The following MAP2K1 variants were observed in gnomAD, a reference collection of about 807,000 sequenced individuals.
MAP2K1 encodes dual specificity mitogen-activated protein kinase kinase 1.
In MAP2K1, 16 loss-of-function variants were observed where a neutral mutation model predicts 46.3. The ratio of observed to expected loss-of-function variants is 0.35; its 90% CI spans 0.23 to 0.52. MAP2K1 has a LOEUF of 0.52. MAP2K1 is among the 20% of genes least tolerant of loss of function. The pLI is 0.94. For synonymous variants in MAP2K1, 183 were observed against 185.6 expected, an observed-to-expected ratio of 0.99 and a Z score of 0.11; for missense variants, 263 against 497.1, an observed-to-expected ratio of 0.53 and a Z score of 4.48.
chr15:66,478,444 ATATATATATACAGG>A (rs1324435914), intron 5 of MAP2K1, among the ~76,000 whole-genome samples: 1 of 130,886 alleles, frequency 7.6e-6, no homozygotes, highest in African/African-American at 2.6e-5. Context: ...ACACACAGGT[ATATATATATACAGG>A]TATATATATA....
intron 5 of MAP2K1, among the ~76,000 whole-genome samples, chr15:66,472,162 G>C (rs999982865): frequency 1.3e-5 from 2 of 151,692 alleles, no homozygotes; most frequent in East Asian, 3.9e-4. Context: ...AAATTACCTG[G>C]ATGTGGTGGT....
chr15:66,435,477 C>T (rs1595861180), intron 2 of MAP2K1, among the ~76,000 whole-genome samples: 1 of 151,900 alleles, frequency 6.6e-6, no homozygotes, highest in South Asian at 2.1e-4. Context: ...AGGCATGCGC[C>T]ACCATGCATG....
intron 3 of MAP2K1, among the ~76,000 whole-genome samples, chr15:66,439,795 C>T (rs544826318): frequency 5.9e-5 from 9 of 151,832 alleles, no homozygotes; most frequent in Non-Finnish European, 8.8e-5. Flanking sequence ...AATTAGCTGG[C>T]GTGGAGGCAG....
At position 66,443,318 on chromosome 15, in the gene MAP2K1, A is replaced by C. The variant is rs772312180; in HGVS notation, c.477A>C (p.Gly159=). 1 of 1,613,264 alleles carries C rather than the reference A, an allele frequency of 6.2e-7. No homozygotes were observed. The highest frequency in any genetic ancestry group is 1.1e-5 in the South Asian group (1 of 91,066). ...TGGATCAAGTCCTGAAGAAAGCTGGAAGAATTCCTGAACAAATTTTAGGAA... is the reference window on the plus strand; with the variant it reads ...TGGATCAAGTCCTGAAGAAAGCTGGCAGAATTCCTGAACAAATTTTAGGAA... The part of the protein sequence containing the change: ...GSLDQVLKKA[G]RIPEQILGKV... Residue 159 remains glycine (G), a synonymous_variant, in exon 4 of 11, where the codon GGA becomes GGC. Transcript: ENST00000307102.
intron 1 of MAP2K1, among the ~76,000 whole-genome samples, chr15:66,428,311 T>C (rs1433391332): frequency 6.8e-6 from 1 of 147,802 alleles, no homozygotes; most frequent in Non-Finnish European, 1.5e-5. Context: ...TGTGTGTGTG[T>C]GTGTGTGTGT....
At chr15:66,470,441 C>G (rs1056384105) in intron 5 of MAP2K1, among the ~76,000 whole-genome samples, 3 of 152,194 alleles carry the variant, frequency 2.0e-5, no homozygotes, top group Non-Finnish European at 2.9e-5. Flanking sequence ...CCTGTCCTCC[C>G]TGTTGGAAGC....
Position 66,458,702 on chromosome 15 carries a change from C to T in MAP2K1, c.568+13995C>T, listed in dbSNP as rs116416177. On this transcript the variant is annotated intron_variant, in intron 5 of 10. Transcript: ENST00000307102. ...TGACTAATTTTAAAAATTTTCTTTT[C>T]TAGAGATGCGGTCTCTCTCTGTTGC... Among the ~76,000 whole-genome samples the T allele has an allele frequency of 4.5e-3, 679 of 152,240 alleles. 8 individuals carry two copies. The highest frequency in any genetic ancestry group is 0.016 in the African/African-American group (650 of 41,528).
chr15:66,402,285 CTT>C (rs990773211), intron 1 of MAP2K1, among the ~76,000 whole-genome samples: 3 of 152,212 alleles, frequency 2.0e-5, no homozygotes, highest in Admixed American at 2.0e-4. Context: ...GTGATTAACT[CTT>C]TTTCCCATGT....
chr15:66,452,873 ATGTT>A (rs1320936684), intron 5 of MAP2K1, among the ~76,000 whole-genome samples: 9 of 152,210 alleles, frequency 5.9e-5, no homozygotes, highest in Non-Finnish European at 1.2e-4. Context: ...TATAGTTCTT[ATGTT>A]TGTCTCTCAT....
chr15:66,460,767 A>AG (rs35778448), intron 5 of MAP2K1, among the ~76,000 whole-genome samples: 7 of 151,790 alleles, frequency 4.6e-5, no homozygotes, highest in South Asian at 2.1e-4. Context: ...GTGAGAGATA[A>AG]GGGGGGGTCT....
intron 2 of MAP2K1, among the ~76,000 whole-genome samples, chr15:66,436,198 G>T (rs867009659): frequency 2.0e-5 from 3 of 152,114 alleles, no homozygotes; most frequent in African/African-American, 7.2e-5. Flanking sequence ...TCTGACACTC[G>T]CTGTCTGTGG....
At position 66,443,112 on chromosome 15, in the gene MAP2K1, G is replaced by A. The variant is rs187650018; in HGVS notation, c.439-168G>A. On this transcript the variant is annotated intron_variant, in intron 3 of 10. Coordinates refer to ENST00000307102, the MANE Select transcript of MAP2K1 (RefSeq NM_002755.4). ...TTTTTTTTTTTTTTTTTTTGAGACA[G>A]AGTCTCGCTGTGTCGCCCAGGCTGA... is the stretch of plus-strand genomic sequence containing the variant. Among the ~76,000 whole-genome samples, 475 of 110,092 alleles carry A rather than the reference G, an allele frequency of 4.3e-3. 2 individuals carry two copies. Among genetic ancestry groups the A allele is most frequent in the African/African-American group, 0.015 (454 of 30,248 alleles). The allele number at this position is 110,092 out of a possible 152,430, so 72.2% of individuals were successfully genotyped here.
intron 1 of MAP2K1, among the ~76,000 whole-genome samples, chr15:66,388,573 G>A (rs1183471737): frequency 6.6e-6 from 1 of 152,080 alleles, no homozygotes; most frequent in African/African-American, 2.4e-5. Flanking sequence ...TTATACAGAT[G>A]GGGTCTTGCT....
At chr15:66,400,772 T>C (rs971784043) in intron 1 of MAP2K1, among the ~76,000 whole-genome samples, 1 of 152,182 alleles carries the variant, frequency 6.6e-6, no homozygotes, top group Non-Finnish European at 1.5e-5. Context: ...GTGCTGATCC[T>C]GACTCTGATT....
chr15:66,453,873 A>T (rs1458721204), intron 5 of MAP2K1, among the ~76,000 whole-genome samples: 1 of 152,124 alleles, frequency 6.6e-6, no homozygotes, highest in Non-Finnish European at 1.5e-5. Context: ...GTCATGGCTC[A>T]CTATAGCCTT....
At chr15:66,418,139 C>T (rs545251693) in intron 1 of MAP2K1, among the ~76,000 whole-genome samples, 4 of 152,124 alleles carry the variant, frequency 2.6e-5, no homozygotes, top group African/African-American at 4.8e-5. Flanking sequence ...TTAAATACCC[C>T]CTAGAGGATT....
intron 3 of MAP2K1, among the ~76,000 whole-genome samples, chr15:66,439,275 C>T (rs571427931): frequency 2.0e-5 from 3 of 152,358 alleles, no homozygotes; most frequent in African/African-American, 7.2e-5. Flanking sequence ...TTGGTCCTCT[C>T]TCTGTCACAG....
intron 5 of MAP2K1, among the ~76,000 whole-genome samples, chr15:66,460,121 C>T (rs1224994980): frequency 6.6e-6 from 1 of 152,226 alleles, no homozygotes; most frequent in African/African-American, 2.4e-5. Flanking sequence ...GTGTGGCTTA[C>T]ACAGGAAGGG....
In MAP2K1 at chr15:66,396,415, A is replaced by C. The variant is rs148862368; in HGVS notation, c.80+8988A>C. On this transcript the variant is annotated intron_variant, in intron 1 of 10. Transcript: ENST00000307102. ...CTCCCAAGTAGCTATGATAACAGGC[A>C]CACACCACCATGGCCGGCTAATTTT... is the stretch of plus-strand genomic sequence containing the variant. Among the ~76,000 whole-genome samples the C allele has an allele frequency of 3.0e-3, 451 of 151,936 alleles. 8 individuals carry two copies. The highest frequency in any genetic ancestry group is 0.017 in the East Asian group (86 of 5,146).
Sources: gnomAD v4.1 joint callset for allele counts (sites outside exome capture counted in the v4.1 genomes callset) on GRCh38, gnomAD v4.1.1 for gene constraint, MANE v1.5 for transcripts, NCBI Gene and HGNC (gene_info 2026-07-23, HGNC 2026-07-21) for gene names.